The following PTPRN2 variants were observed in gnomAD, a reference collection of about 807,000 sequenced individuals.
PTPRN2 encodes the protein receptor-type tyrosine-protein phosphatase N2.
In PTPRN2, 74 loss-of-function variants were observed where a neutral mutation model predicts 118.8. The ratio of observed to expected loss-of-function variants is 0.62; its 90% CI spans 0.52 to 0.76. PTPRN2 has a LOEUF of 0.76. Ranked by LOEUF, PTPRN2 falls within the 30% of genes least tolerant of loss-of-function variation. PTPRN2 has a pLI of 0.00. For missense variants in PTPRN2, 1,481 were observed against 1,394.4 expected (o/e 1.06, Z -0.99); for synonymous variants, 641 against 608.0 (o/e 1.05, Z -0.80).
intron 6 of PTPRN2, 94 bp from the exon 7 acceptor site, chr7:158,138,609 C>A: frequency 1.6e-6 from 2 of 1,228,426 alleles, no homozygotes; most frequent in Non-Finnish European, 2.3e-6. Flanking sequence ...GCGTCTGCGG[C>A]GTCCCAAGGC....
chr7:157,958,301 G>A (rs892346429), intron 11 of PTPRN2, among the ~76,000 whole-genome samples: 1 of 152,094 alleles, frequency 6.6e-6, no homozygotes, highest in African/African-American at 2.4e-5. Flanking sequence ...AACACTCCAG[G>A]GTAAAAGATG....
intron 6 of PTPRN2, among the ~76,000 whole-genome samples, chr7:158,157,009 T>C (rs992283369): frequency 6.6e-6 from 1 of 150,744 alleles, no homozygotes; most frequent in Non-Finnish European, 1.5e-5. Context: ...AGAGCACCCC[T>C]GTTCCATGTG....
In PTPRN2 at chr7:158,113,950, C is replaced by T. The variant is rs118035201; in HGVS notation, c.1557-3035G>A. ...AAAAGCCCGGTACCTCCAGGGAGAC[C>T]GGTGGCCCCTACATCTGGGTACCCC... On this transcript the variant is annotated intron_variant, in intron 9 of 22. Transcript: ENST00000389418. Among the ~76,000 whole-genome samples, 1,071 of 152,242 alleles carry T rather than the reference C, an allele frequency of 7.0e-3. 8 individuals are homozygous for T. Among genetic ancestry groups the T allele is most frequent in the Non-Finnish European group, 0.011 (732 of 68,014 alleles).
rs62480876 is a variant in PTPRN2, at chr7:158,331,003, C to T, written c.164-14071G>A. On this transcript the variant is annotated intron_variant, in intron 2 of 22. Transcript: ENST00000389418. Reference sequence around the variant, plus strand: ...CACTCTCACCATAAGAGCTGACACCCGCAGACGTCACTCACATCCACACTC... The same window carrying T: ...CACTCTCACCATAAGAGCTGACACCTGCAGACGTCACTCACATCCACACTC... Among the ~76,000 whole-genome samples the T allele has an allele frequency of 7.1e-4, 22 of 31,016 alleles. 1 individual carries two copies. The highest frequency in any genetic ancestry group is 1.4e-3 in the South Asian group (1 of 724). 20.3% of individuals were successfully genotyped at this position (31,016 alleles called of 152,430 possible). A position where few individuals can be genotyped will look rare whatever the true frequency, so the allele number is the denominator to read the frequency against.
intron 12 of PTPRN2, among the ~76,000 whole-genome samples, chr7:157,826,814 C>A (rs1459770437): frequency 1.3e-5 from 2 of 152,084 alleles, no homozygotes; most frequent in Non-Finnish European, 2.9e-5. Context: ...TAGGATGTCA[C>A]CGTCCTCCTG....
intron 11 of PTPRN2, chr7:158,028,444 C>G (rs990469490): frequency 6.6e-6 from 1 of 152,262 alleles, no homozygotes; most frequent in Non-Finnish European, 1.5e-5. Context: ...AGGACAGAGG[C>G]CATTTCAGAC....
intron 2 of PTPRN2, among the ~76,000 whole-genome samples, chr7:158,452,895 G>T (rs183374967): frequency 6.6e-6 from 1 of 152,176 alleles, no homozygotes; most frequent in South Asian, 2.1e-4. Context: ...CTGTTGCCCC[G>T]TGGCTCAGGG....
At chr7:158,352,325 ACCCTCCTGACCGCTC>A (rs72432324) in intron 2 of PTPRN2, among the ~76,000 whole-genome samples, 25,762 of 36,704 alleles carry the variant, frequency 0.7, 8,701 homozygotes, top group Non-Finnish European at 0.76. Flanking sequence ...CCTGCCAGCT[ACCCTCCTGACCGCTC>A]CCCTCCTGTC....
intron 2 of PTPRN2, among the ~76,000 whole-genome samples, chr7:158,459,263 A>T (rs1178996949): frequency 6.6e-6 from 1 of 151,954 alleles, no homozygotes; most frequent in Non-Finnish European, 1.5e-5. Context: ...ACTGCCTGGG[A>T]TGAATGGGCT....
intron 6 of PTPRN2, among the ~76,000 whole-genome samples, chr7:158,149,248 A>C (rs369570502): frequency 6.6e-6 from 1 of 151,982 alleles, no homozygotes; most frequent in African/African-American, 2.4e-5. Flanking sequence ...CAATTATAGT[A>C]CAGGGAACCC....
chr7:157,678,079 T>A (rs138951511), intron 13 of PTPRN2, among the ~76,000 whole-genome samples: 192 of 152,330 alleles, frequency 1.3e-3, no homozygotes, highest in African/African-American at 4.5e-3. Flanking sequence ...AATAAAATGT[T>A]CTCTAATCAT....
rs191213158 is a variant in PTPRN2 at position 158,484,037 on chromosome 7, G to A, written c.163+5698C>T. 1.9e-3 allele frequency among the ~76,000 whole-genome samples: 290 copies of A among 152,286 alleles called. 1 individual carries two copies. The highest frequency in any genetic ancestry group is 6.7e-3 in the African/African-American group (277 of 41,554). On this transcript the variant is annotated intron_variant, in intron 2 of 22. Coordinates refer to ENST00000389418, the MANE Select transcript of PTPRN2 (RefSeq NM_002847.5). ...TGTGTGCTTGTAGTCCCAGCTACTA[G>A]GGAGGCTGAGGTGAGAGGATTACTT...
At chr7:157,783,497 T>C (rs1470738884) in intron 12 of PTPRN2, among the ~76,000 whole-genome samples, 1 of 149,248 alleles carries the variant, frequency 6.7e-6, no homozygotes, top group Non-Finnish European at 1.5e-5. Flanking sequence ...ATCCTGAACA[T>C]TACCTTGTGC....
At chr7:157,863,988 C>A (rs1369165929) in intron 12 of PTPRN2, 1 of 152,260 alleles carries the variant, frequency 6.6e-6, no homozygotes, top group South Asian at 2.1e-4. Context: ...GCAGACAGTA[C>A]AGGCTCCAAA....
chr7:158,531,095 G>C (rs1485716857), intron 1 of PTPRN2, among the ~76,000 whole-genome samples: 3 of 152,170 alleles, frequency 2.0e-5, no homozygotes, highest in Admixed American at 2.0e-4. Context: ...ACAACAGACT[G>C]TGTTCAAAGC....
Position 158,003,815 on chromosome 7 carries a change from G to C in PTPRN2, c.1723+77483C>G, listed in dbSNP as rs540784102. On this transcript the variant is annotated intron_variant, in intron 11 of 22. Coordinates refer to ENST00000389418, the MANE Select transcript of PTPRN2 (RefSeq NM_002847.5). The surrounding 1 kb of genome is among the most constrained non-coding windows in gnomAD (Gnocchi z 5.0). Reference sequence around the variant, plus strand: ...CACGCCAAGGCCAGTGGTAAAACGGGCCTCTGCTTTTTTTAAAGAATAGCT... The same window carrying C: ...CACGCCAAGGCCAGTGGTAAAACGGCCCTCTGCTTTTTTTAAAGAATAGCT... Among the ~76,000 whole-genome samples, 4 of 152,280 alleles carry C rather than the reference G, an allele frequency of 2.6e-5. No homozygotes were observed. Among genetic ancestry groups the C allele is most frequent in the East Asian group, 3.9e-4 (2 of 5,180 alleles).
intron 12 of PTPRN2, among the ~76,000 whole-genome samples, chr7:157,767,479 G>A (rs1802552710): frequency 6.6e-6 from 1 of 152,172 alleles, no homozygotes; most frequent in African/African-American, 2.4e-5. Flanking sequence ...AAATGGCTGG[G>A]AAGTCCTCAC....
At chr7:158,410,606 T>A (rs1408585027) in intron 2 of PTPRN2, among the ~76,000 whole-genome samples, 2 of 152,112 alleles carry the variant, frequency 1.3e-5, no homozygotes, top group Admixed American at 1.3e-4. Context: ...CCAACTTCGG[T>A]AAAGTGAAAT....
In PTPRN2 at chr7:158,247,047, C is replaced by T. The variant is rs565948109; in HGVS notation, c.278-41774G>A. ...CTGGGCTGGGAGACATGTGTGAGGACGCACGATGGGGTTAGGCAGCCTGAG... is the reference window on the plus strand; with the variant it reads ...CTGGGCTGGGAGACATGTGTGAGGATGCACGATGGGGTTAGGCAGCCTGAG... On this transcript the variant is annotated intron_variant, in intron 3 of 22. Transcript: ENST00000389418. Among the ~76,000 whole-genome samples the T allele has an allele frequency of 2.4e-3, 368 of 152,308 alleles. 1 individual carries two copies. The highest frequency in any genetic ancestry group is 8.3e-3 in the African/African-American group (346 of 41,576).
Sources: gnomAD v4.1 joint callset for allele counts (sites outside exome capture counted in the v4.1 genomes callset) on GRCh38, gnomAD v4.1.1 for gene constraint, Gnocchi (gnomAD v3.1) non-coding constraint, MANE v1.5 for transcripts, NCBI Gene and HGNC (gene_info 2026-07-23, HGNC 2026-07-21) for gene names.